Variants in TRAK1 observed in about 807,000 individuals in gnomAD.
TRAK1 encodes the protein trafficking kinesin-binding protein 1.
TRAK1 carries 33 observed loss-of-function variants against 92.1 expected under a neutral mutation model. The observed-to-expected ratio is 0.36, with a 90% CI of 0.27 to 0.48. The LOEUF is 0.48. Among genes scored for constraint, TRAK1 ranks in the 20% least tolerant of loss-of-function variants. The pLI, the probability that TRAK1 is intolerant of heterozygous loss-of-function variation, is 0.99. For synonymous variants in TRAK1, 521 were observed against 517.3 expected (o/e 1.01, Z -0.10); for missense variants, 1,123 against 1,257.9 (o/e 0.89, Z 1.62).
chr3:42,145,090 C>T (rs1317226846), intron 2 of TRAK1, among the ~76,000 whole-genome samples: 2 of 152,212 alleles, frequency 1.3e-5, no homozygotes, highest in Non-Finnish European at 2.9e-5. Flanking sequence ...TAATCTTCCA[C>T]CTCCTCGCCT....
chr3:42,131,761 A>C (rs1391833901), intron 2 of TRAK1, among the ~76,000 whole-genome samples: 1 of 150,790 alleles, frequency 6.6e-6, no homozygotes, highest in African/African-American at 2.4e-5. Context: ...AATTTAAAAA[A>C]AAAATACAAT....
intron 3 of TRAK1, among the ~76,000 whole-genome samples, chr3:42,180,711 G>T (rs1335830842): frequency 2.0e-5 from 3 of 150,566 alleles, no homozygotes; most frequent in African/African-American, 4.9e-5. Context: ...AGGAAAAAAA[G>T]GTGGAGGGTG....
At chr3:42,212,525 C>G in intron 14 of TRAK1, 1 of 984,120 alleles carries the variant, frequency 1.0e-6, no homozygotes, top group Non-Finnish European at 1.2e-6. Context: ...AAGCATCATT[C>G]ACTTGTTGAT....
intron 1 of TRAK1, among the ~76,000 whole-genome samples, chr3:42,061,909 A>G (rs1164374822): frequency 1.3e-5 from 2 of 152,188 alleles, no homozygotes; most frequent in Non-Finnish European, 2.9e-5. Context: ...AGCCATTGGC[A>G]CTCACTCTGG....
At chr3:42,026,524 C>CTTT (rs779064338) in intron 1 of TRAK1, among the ~76,000 whole-genome samples, 2 of 135,068 alleles carry the variant, frequency 1.5e-5, no homozygotes, top group Non-Finnish European at 3.2e-5. Context: ...TCAGTGATCT[C>CTTT]TTTTTTTTTT....
intron 2 of TRAK1, among the ~76,000 whole-genome samples, chr3:42,132,656 C>T (rs73066377): frequency 0.48 from 73,518 of 151,842 alleles, 18,052 homozygotes; most frequent in South Asian, 0.6. Flanking sequence ...ATATCCTCCC[C>T]AGGCCCCACC....
intron 11 of TRAK1, 75 bp downstream of exon 11, chr3:42,199,328 A>G (rs1707196503): frequency 4.1e-6 from 6 of 1,452,558 alleles, no homozygotes; most frequent in Non-Finnish European, 5.8e-6. Context: ...AAACCTAGCA[A>G]TGTTGAGGCT....
In TRAK1 at chr3:42,068,871, A is replaced by C. The variant is rs375408110; in HGVS notation, c.-518-18233A>C. 3.3e-5 allele frequency among the ~76,000 whole-genome samples: 5 copies of C among 152,290 alleles called. No individual in the cohort carries two copies. The South Asian group carries it at 6.2e-4, about 19-fold the overall frequency. ...CAGCTTCCCATTTTATAGATGAGAA[A>C]ACTGAGGGTTGTAGGGGTTAACTGA... is the stretch of plus-strand genomic sequence containing the variant. On this transcript the variant is annotated intron_variant, in intron 1 of 16. Transcript: ENST00000487159.
intron 7 of TRAK1, among the ~76,000 whole-genome samples, chr3:42,192,735 T>C (rs982006185): frequency 6.6e-6 from 1 of 152,206 alleles, no homozygotes; most frequent in African/African-American, 2.4e-5. Flanking sequence ...CTAGATGCAC[T>C]CATGTTTTGT....
intron 1 of TRAK1, among the ~76,000 whole-genome samples, chr3:42,070,391 AT>A (rs1018467124): frequency 1.3e-5 from 2 of 150,810 alleles, no homozygotes; most frequent in Non-Finnish European, 3.0e-5. Context: ...CACTAGTGAC[AT>A]TTTTTTTCCT....
At chr3:42,117,631 G>T (rs1303562988) in intron 1 of TRAK1, among the ~76,000 whole-genome samples, 1 of 152,070 alleles carries the variant, frequency 6.6e-6, no homozygotes, top group Non-Finnish European at 1.5e-5. Flanking sequence ...TCAGGTCCCT[G>T]TTCTCCTGGG....
intron 1 of TRAK1, among the ~76,000 whole-genome samples, chr3:42,068,577 A>G (rs919274621): frequency 2.0e-5 from 3 of 152,240 alleles, no homozygotes; most frequent in Non-Finnish European, 2.9e-5. Flanking sequence ...TGTTCCAGGC[A>G]CTGAGGACAC....
At chr3:42,083,712 T>TA (rs1468846116), upstream of TRAK1, among the ~76,000 whole-genome samples, 1 of 151,882 alleles carries the variant, frequency 6.6e-6, no homozygotes, top group Non-Finnish European at 1.5e-5. Flanking sequence ...TCATCTCTAC[T>TA]AAAAATACAA....
At chr3:42,148,604 C>T (rs553471500) in intron 2 of TRAK1, among the ~76,000 whole-genome samples, 1 of 152,266 alleles carries the variant, frequency 6.6e-6, no homozygotes, top group African/African-American at 2.4e-5. Flanking sequence ...TGCACTTTAA[C>T]GCCTTGATTA....
At chr3:42,149,111 G>A (rs1343154176) in intron 2 of TRAK1, 2 of 871,076 alleles carry the variant, frequency 2.3e-6, no homozygotes, top group Admixed American at 6.1e-5. Context: ...AGTTTCTATG[G>A]CAACGGTTAG....
At chr3:42,020,809 C>G (rs922187562) in intron 1 of TRAK1, among the ~76,000 whole-genome samples, 2 of 152,082 alleles carry the variant, frequency 1.3e-5, no homozygotes, top group African/African-American at 2.4e-5. Flanking sequence ...ATACAGGGCT[C>G]CCACAGTAAA....
intron 1 of TRAK1, among the ~76,000 whole-genome samples, chr3:42,029,237 G>C (rs897217012): frequency 6.6e-6 from 1 of 152,118 alleles, no homozygotes; most frequent in Admixed American, 6.5e-5. Flanking sequence ...GATTTGGGCG[G>C]GGACAGAGAT....
rs1710657314 is a variant in TRAK1 at position 42,224,878 on chromosome 3, CA to C, written c.*1143del. 6.6e-6 allele frequency: 1 copy of C among 152,168 alleles called. No individual in the cohort carries two copies. Among genetic ancestry groups the C allele is most frequent in the South Asian group, 2.1e-4 (1 of 4,826 alleles). The allele number at this position is 152,168 out of a possible 1,614,324, so 9.4% of individuals were successfully genotyped here. On this transcript the variant is annotated 3_prime_UTR_variant, in exon 16 of 16. Coordinates refer to ENST00000327628, the MANE Select transcript of TRAK1 (RefSeq NM_001042646.3). ...CATGCGGTCTTTGATTGCAGCCATTCAATGCCCACATGCTTTTCCTTCTTGT... is the reference window on the plus strand; with the variant it reads ...CATGCGGTCTTTGATTGCAGCCATTCATGCCCACATGCTTTTCCTTCTTGT...
Position 42,223,828 on chromosome 3 carries a change from C to T in TRAK1, c.*91C>T. ...CTCTTCCCCCCACAGTGCACTCCCT[C>T]CCTCTGCCCTTCTCTGTCCACCCCC... On this transcript the variant is annotated 3_prime_UTR_variant, in exon 16 of 16. Coordinates refer to ENST00000327628, the MANE Select transcript of TRAK1 (RefSeq NM_001042646.3). This position sits in a 1 kb window ranked among gnomAD's most constrained non-coding sequence, Gnocchi z 6.1. The T allele has an allele frequency of 7.2e-7, 1 of 1,395,558 alleles. No homozygotes were observed. The highest frequency in any genetic ancestry group is 9.8e-7 in the Non-Finnish European group (1 of 1,018,964). 86.4% of individuals were successfully genotyped at this position (1,395,558 alleles called of 1,614,324 possible).
Sources: gnomAD v4.1 joint callset for allele counts (sites outside exome capture counted in the v4.1 genomes callset) on GRCh38, gnomAD v4.1.1 for gene constraint, Gnocchi (gnomAD v3.1) non-coding constraint, MANE v1.5 for transcripts, NCBI Gene and HGNC (gene_info 2026-07-23, HGNC 2026-07-21) for gene names.